Variants in MYO9A observed in about 807,000 individuals in gnomAD.
The protein encoded by MYO9A is unconventional myosin-IXa.
A neutral mutation model predicts 293.3 loss-of-function variants in MYO9A; 103 were observed. The ratio of observed to expected loss-of-function variants is 0.35; its 90% CI spans 0.30 to 0.41. MYO9A has a LOEUF of 0.41. MYO9A is among the 10% of genes least tolerant of loss of function. The pLI is 1.00. For missense variants in MYO9A, 2,685 were observed against 3,033.0 expected, an observed-to-expected ratio of 0.89 and a Z score of 2.69; for synonymous variants, 1,001 against 1,035.7, an observed-to-expected ratio of 0.97 and a Z score of 0.64.
At chr15:72,100,784 TGAG>T (rs2080257723) in intron 1 of MYO9A, among the ~76,000 whole-genome samples, 1 of 147,538 alleles carries the variant, frequency 6.8e-6, no homozygotes, top group African/African-American at 2.5e-5. Flanking sequence ...GTCTGAGAAA[TGAG>T]GAGCCTCTCC....
In MYO9A at chr15:71,883,661, A is replaced by G; in HGVS notation, c.5331T>C (p.Thr1777=). The G allele has an allele frequency of 1.2e-6, 2 of 1,613,324 alleles. No individual in the cohort carries two copies. The highest frequency in any genetic ancestry group is 1.7e-6 in the Non-Finnish European group (2 of 1,179,410). The change falls in exon 28 of 42, where the codon ACT becomes ACC. Residue 1777 remains threonine (T), a synonymous_variant. Transcript: ENST00000356056. The part of the protein sequence containing the change: ...GEKKTTRVKP[T]TQSEVSPLFA... ...AGAGTGGCGAAACCTCTGACTGGGT[A>G]GTAGGTTTCACTCTGGTAGTCTTCT...
rs191752554 is a variant in MYO9A, at chr15:71,910,247, A to G, written c.2686-5241T>C. Among the ~76,000 whole-genome samples, 767 of 148,718 alleles carry G rather than the reference A, an allele frequency of 5.2e-3. 36 individuals are homozygous for G. Among genetic ancestry groups the G allele is most frequent in the Admixed American group, 0.047 (687 of 14,652 alleles). On this transcript the variant is annotated intron_variant, in intron 19 of 41. Transcript: ENST00000356056. Reference sequence around the variant, plus strand: ...TGACTTTAGCAAGCTCACTGTACATAAGCTATGTACTCTTATTTCCACACC... The same window carrying G: ...TGACTTTAGCAAGCTCACTGTACATGAGCTATGTACTCTTATTTCCACACC...
intron 26 of MYO9A, chr15:71,893,255 G>T: frequency 7.5e-6 from 8 of 1,069,522 alleles, no homozygotes; most frequent in Non-Finnish European, 9.6e-6. Context: ...GCCAATGAAA[G>T]ACATCAGAGG....
chr15:72,070,297 A>AC (rs996014713), intron 1 of MYO9A, among the ~76,000 whole-genome samples: 14 of 151,074 alleles, frequency 9.3e-5, no homozygotes, highest in African/African-American at 3.4e-4. Context: ...CAAAAAAAAA[A>AC]CAAAAAACTA....
Position 71,897,516 on chromosome 15 carries a change from C to T in MYO9A, c.4987G>A (p.Glu1663Lys). 1 of 1,614,046 alleles carries T rather than the reference C, an allele frequency of 6.2e-7. No individual in the cohort carries two copies. The highest frequency in any genetic ancestry group is 8.5e-7 in the Non-Finnish European group (1 of 1,179,938). ...YSHNSDDLSR[E>K]GNARPIFFTP... is the part of the protein sequence containing the mutation. ...AAGAAAATGGGCCTAGCATTTCCCT[C>T]TCTGGAAAGGTCATCAGAATTGTGG... Residue 1663 changes from glutamate to lysine, a missense_variant, in exon 25 of 42, where the codon GAG (glutamate) becomes AAG (lysine). Coordinates refer to ENST00000356056, the MANE Select transcript of MYO9A (RefSeq NM_006901.4).
intron 19 of MYO9A, among the ~76,000 whole-genome samples, chr15:71,911,860 G>A (rs1416848777): frequency 6.6e-6 from 1 of 152,192 alleles, no homozygotes; most frequent in Non-Finnish European, 1.5e-5. Flanking sequence ...ATGTTTTAGA[G>A]TATAGTGAAG....
intron 33 of MYO9A, among the ~76,000 whole-genome samples, chr15:71,860,448 A>G (rs990189559): frequency 2.0e-5 from 3 of 152,242 alleles, no homozygotes; most frequent in African/African-American, 7.2e-5. Flanking sequence ...GCTGGTGAAC[A>G]GGAAGAGGCA....
At chr15:72,016,236 C>T (rs541777146) in intron 6 of MYO9A, among the ~76,000 whole-genome samples, 2 of 151,962 alleles carry the variant, frequency 1.3e-5, no homozygotes, top group African/African-American at 2.4e-5. Context: ...TATACATTTA[C>T]GGAAGAGAAA....
intron 1 of MYO9A, among the ~76,000 whole-genome samples, chr15:72,096,247 A>T (rs1348776964): frequency 6.6e-6 from 1 of 151,768 alleles, no homozygotes; most frequent in Non-Finnish European, 1.5e-5. Context: ...TTGAGGTGGG[A>T]GAATCACCTG....
intron 20 of MYO9A, among the ~76,000 whole-genome samples, chr15:71,904,706 G>A: frequency 6.6e-6 from 1 of 152,068 alleles, no homozygotes. Context: ...ACTTCAAGAG[G>A]TATTTGCTTC....
intron 2 of MYO9A, among the ~76,000 whole-genome samples, chr15:72,039,589 A>G: frequency 6.6e-6 from 1 of 151,504 alleles, no homozygotes. Context: ...CTAGCACTTT[A>G]AGAGGCTGAG....
intron 12 of MYO9A, 86 bp downstream of exon 12, chr15:71,978,085 T>C (rs1245816211): frequency 6.8e-7 from 1 of 1,474,808 alleles, no homozygotes; most frequent in Admixed American, 2.2e-5. Context: ...GGCTCTTTAT[T>C]TGGTAATGTA....
Position 71,959,949 on chromosome 15 carries a change from T to C in MYO9A, c.2134A>G (p.Met712Val), listed in dbSNP as rs372569080. 6 of 1,613,826 alleles carry C rather than the reference T, an allele frequency of 3.7e-6. No individual in the cohort carries two copies. Among genetic ancestry groups the C allele is most frequent in the East Asian group, 2.2e-5 (1 of 44,856 alleles). ...WAILRAFFRA[M>V]VAFREAGKRN... ...TTCCCAGCTTCCCTGAAAGCAACCATGGCTCTGAAAAAAGCTCGGAGAATT... is the reference window on the plus strand; with the variant it reads ...TTCCCAGCTTCCCTGAAAGCAACCACGGCTCTGAAAAAAGCTCGGAGAATT... Residue 712 changes from methionine to valine, a missense_variant, in exon 14 of 42, where the codon ATG (methionine) becomes GTG (valine). Around this residue, in one of 10 missense-constraint regions of MYO9A, gnomAD observed 201 missense variants for 245.2 expected, o/e 0.82. Coordinates refer to ENST00000356056, the MANE Select transcript of MYO9A (RefSeq NM_006901.4).
At chr15:72,057,176 G>A (rs2078746035) in intron 1 of MYO9A, among the ~76,000 whole-genome samples, 1 of 152,046 alleles carries the variant, frequency 6.6e-6, no homozygotes, top group Admixed American at 6.6e-5. Context: ...GGAGGCTGAG[G>A]CAGAATCGCT....
intron 1 of MYO9A, among the ~76,000 whole-genome samples, chr15:72,096,091 G>A (rs543523002): frequency 4.0e-5 from 6 of 150,708 alleles, no homozygotes; most frequent in Admixed American, 1.3e-4. Flanking sequence ...AACCCAGGAG[G>A]CAGAGGTTGC....
At chr15:72,011,775 C>T (rs982492132) in intron 6 of MYO9A, among the ~76,000 whole-genome samples, 1 of 152,180 alleles carries the variant, frequency 6.6e-6, no homozygotes, top group Non-Finnish European at 1.5e-5. Flanking sequence ...CTTTCAAAAA[C>T]CTCCTCACAT....
intron 18 of MYO9A, among the ~76,000 whole-genome samples, chr15:71,918,316 A>C (rs964944069): frequency 1.3e-5 from 2 of 152,286 alleles, no homozygotes; most frequent in African/African-American, 4.8e-5. Flanking sequence ...TTATCAAACA[A>C]ATCTATGTTG....
At chr15:72,054,678 C>CAAAAAAA (rs11284116) in intron 1 of MYO9A, among the ~76,000 whole-genome samples, 1 of 63,926 alleles carries the variant, frequency 1.6e-5, no homozygotes, top group African/African-American at 6.7e-5. Flanking sequence ...GACTCTGTCT[C>CAAAAAAA]AAAAAAAAAA....
intron 14 of MYO9A, among the ~76,000 whole-genome samples, chr15:71,956,770 G>T (rs936234249): frequency 6.0e-5 from 9 of 148,926 alleles, no homozygotes; most frequent in Non-Finnish European, 1.3e-4. Context: ...ATTCATATAT[G>T]TAGCATGTAT....
Sources: allele counts gnomAD v4.1 joint callset (sites outside exome capture counted in the v4.1 genomes callset), GRCh38; gene constraint gnomAD v4.1.1; regional missense constraint gnomAD v4.1.1; transcripts MANE v1.5; gene names NCBI Gene and HGNC (gene_info 2026-07-23, HGNC 2026-07-21).